COL4A5: variants seen among roughly 807,000 people sequenced by gnomAD.
COL4A5 encodes the protein collagen type IV alpha 5 chain, also known as collagen alpha-5(IV) chain.
Under a neutral mutation model 130.2 loss-of-function variants are expected in COL4A5, and 26 were observed. The observed-to-expected ratio is 0.20, with a 90% CI of 0.15 to 0.28. The LOEUF is 0.28. COL4A5 is among the 10% of genes least tolerant of loss of function. The pLI is 1.00. For missense variants in COL4A5, 1,131 were observed against 1,344.3 expected, an observed-to-expected ratio of 0.84 and a Z score of 2.48; for synonymous variants, 496 against 439.6, an observed-to-expected ratio of 1.13 and a Z score of -1.60.
At chrX:108,536,889 C>CCACTTCTGAAGTA (rs1230579195) in intron 1 of COL4A5, among the ~76,000 whole-genome samples, 1 of 111,458 alleles carries the variant, frequency 9.0e-6, no homozygotes, top group African/African-American at 3.3e-5. Flanking sequence ...TCAAATGTTT[C>CCACTTCTGAAGTA]AACTTCTGAA....
intron 49 of COL4A5, among the ~76,000 whole-genome samples, 192 bp from the exon 50 acceptor site, chrX:108,692,556 T>G (rs1229416359): frequency 8.9e-6 from 1 of 112,150 alleles, no homozygotes; most frequent in East Asian, 2.8e-4. Context: ...AATATTAACA[T>G]ACTTTATTAA....
At chrX:108,570,064 G>A (rs769135243) in intron 6 of COL4A5, among the ~76,000 whole-genome samples, 32 of 111,453 alleles carry the variant, frequency 2.9e-4, no homozygotes, top group Non-Finnish European at 4.9e-4. Context: ...GCATTACAGT[G>A]GCCATATTTT....
intron 1 of COL4A5, among the ~76,000 whole-genome samples, chrX:108,479,498 G>A (rs913841112): frequency 8.9e-6 from 1 of 112,019 alleles, no homozygotes; most frequent in Non-Finnish European, 1.9e-5. Flanking sequence ...GTCCACTTTC[G>A]GGTGGTGCCT....
intron 30 of COL4A5, among the ~76,000 whole-genome samples, chrX:108,618,620 A>C (rs1446078955): frequency 2.7e-5 from 3 of 111,710 alleles, no homozygotes; most frequent in Admixed American, 1.9e-4. Context: ...GCCTAAAATA[A>C]GTTTTTTCAC....
intron 36 of COL4A5, among the ~76,000 whole-genome samples, chrX:108,649,665 C>A (rs958825719): frequency 4.5e-5 from 5 of 111,488 alleles, no homozygotes. Context: ...GGAAATGACA[C>A]CCTTTTCAAC....
At chrX:108,658,258 T>C (rs1349197578) in intron 37 of COL4A5, among the ~76,000 whole-genome samples, 2 of 111,785 alleles carry the variant, frequency 1.8e-5, no homozygotes, top group African/African-American at 6.5e-5. Context: ...TTACACTGAT[T>C]GATATTTTAT....
chrX:108,484,987 C>T (rs1008381562), intron 1 of COL4A5, among the ~76,000 whole-genome samples: 1 of 112,167 alleles, frequency 8.9e-6, no homozygotes, highest in African/African-American at 3.2e-5. Context: ...CTATTTTACT[C>T]TAGCAGATTT....
At chrX:108,663,738 TAAAATAA>T (rs2068013436) in intron 37 of COL4A5, among the ~76,000 whole-genome samples, 2 of 103,407 alleles carry the variant, frequency 1.9e-5, no homozygotes, top group African/African-American at 8.0e-5. Flanking sequence ...CCCCAGAACT[TAAAATAA>T]AAAAAAAAAA....
chrX:108,544,279 T>C (rs1212779959), intron 2 of COL4A5, among the ~76,000 whole-genome samples: 2 of 112,173 alleles, frequency 1.8e-5, no homozygotes, highest in Non-Finnish European at 3.8e-5. Context: ...TTGAGATATG[T>C]CCCATCAATA....
intron 25 of COL4A5, among the ~76,000 whole-genome samples, chrX:108,600,971 G>A (rs751302688): frequency 1.2e-4 from 13 of 111,398 alleles, no homozygotes; most frequent in East Asian, 2.8e-4. Flanking sequence ...TGTTGTATCC[G>A]GTCCCTCAGC....
At position 108,481,615 on chromosome X, in the gene COL4A5, T is replaced by C. The variant is rs181458177; in HGVS notation, c.81+41409T>C. 9.5e-4 allele frequency among the ~76,000 whole-genome samples: 107 copies of C among 112,081 alleles called. 4 individuals carry two copies. In the East Asian group the frequency reaches 0.029, roughly 30 times the overall value. On this transcript the variant is annotated intron_variant, in intron 1 of 52. Coordinates refer to ENST00000328300, the MANE Select transcript of COL4A5 (RefSeq NM_033380.3). Reference sequence around the variant, plus strand: ...TCTACATGAGTCAGACTATGCTGATTGCTGCTTCGCTTTTGCTGTCCATTA... The same window carrying C: ...TCTACATGAGTCAGACTATGCTGATCGCTGCTTCGCTTTTGCTGTCCATTA...
At chrX:108,483,987 T>G (rs2064919191) in intron 1 of COL4A5, among the ~76,000 whole-genome samples, 1 of 112,351 alleles carries the variant, frequency 8.9e-6, no homozygotes, top group East Asian at 2.8e-4. Flanking sequence ...GTTCAGCTGT[T>G]TGAGCTCCTT....
intron 8 of COL4A5, 26 bp from the exon 9 acceptor site, chrX:108,573,548 G>T (rs1265673996): frequency 9.2e-7 from 1 of 1,091,766 alleles, no homozygotes; most frequent in African/African-American, 1.8e-5. Context: ...CTGTGTCTTA[G>T]AACTTCCATT....
intron 37 of COL4A5, among the ~76,000 whole-genome samples, chrX:108,656,944 T>C (rs1227741262): frequency 9.0e-6 from 1 of 111,646 alleles, no homozygotes; most frequent in Non-Finnish European, 1.9e-5. Flanking sequence ...ATCTATTCTC[T>C]GTGCCTCAGA....
intron 9 of COL4A5, 92 bp from the exon 10 acceptor site, chrX:108,575,818 C>T (rs143334408): frequency 1.1e-3 from 694 of 636,686 alleles, no homozygotes; most frequent in Non-Finnish European, 1.5e-3. Flanking sequence ...GCCTGGGCGA[C>T]ACAAGTGAGA....
chrX:108,564,515 A>T (rs774943989), intron 4 of COL4A5, among the ~76,000 whole-genome samples: 1 of 112,151 alleles, frequency 8.9e-6, no homozygotes, highest in Non-Finnish European at 1.9e-5. Context: ...ATTTAGTATA[A>T]TTTTTTCTCA....
intron 1 of COL4A5, among the ~76,000 whole-genome samples, chrX:108,535,408 A>G (rs1187236386): frequency 1.8e-5 from 2 of 111,213 alleles, no homozygotes; most frequent in African/African-American, 6.5e-5. Flanking sequence ...CTTTAAAAAA[A>G]TGATACATTA....
intron 37 of COL4A5, among the ~76,000 whole-genome samples, chrX:108,657,614 G>A (rs2067868155): frequency 1.8e-5 from 2 of 111,430 alleles, no homozygotes; most frequent in African/African-American, 6.5e-5. Context: ...CCAATGAAAT[G>A]AACATGTTAT....
chrX:108,655,801 A>G (rs904601169), intron 37 of COL4A5, among the ~76,000 whole-genome samples: 25 of 112,556 alleles, frequency 2.2e-4, no homozygotes, highest in African/African-American at 8.1e-4. Context: ...GCAGCTGATT[A>G]TCTTAGAAAG....
Sources: allele counts gnomAD v4.1 joint callset (sites outside exome capture counted in the v4.1 genomes callset), GRCh38; gene constraint gnomAD v4.1.1; transcripts MANE v1.5; gene names NCBI Gene and HGNC (gene_info 2026-07-23, HGNC 2026-07-21).